MAPK4: variants seen among roughly 807,000 people sequenced by gnomAD.
The protein encoded by MAPK4 is Erk3-related.
In MAPK4, 22 loss-of-function variants were observed where a neutral mutation model predicts 47.7. The ratio of observed to expected loss-of-function variants is 0.46; its 90% CI spans 0.33 to 0.66. MAPK4 has a LOEUF of 0.66. MAPK4 is among the 30% of genes least tolerant of loss of function. The probability of loss-of-function intolerance (pLI) is 0.02; values close to 1 mark genes in which losing one functional copy is unlikely to be tolerated. For missense variants in MAPK4, 736 were observed against 831.7 expected (o/e 0.88, Z 1.42); for synonymous variants, 390 against 365.7 (o/e 1.07, Z -0.76).
intron 4 of MAPK4, among the ~76,000 whole-genome samples, chr18:50,724,136 C>T (rs963944179): frequency 2.0e-5 from 3 of 152,094 alleles, no homozygotes; most frequent in South Asian, 2.1e-4. Flanking sequence ...CTCAGCCTCC[C>T]GAGTAGCTGG....
intron 1 of MAPK4, among the ~76,000 whole-genome samples, chr18:50,569,397 A>G (rs1487011863): frequency 6.6e-6 from 1 of 152,198 alleles, no homozygotes; most frequent in Non-Finnish European, 1.5e-5. Context: ...AGATGACAAG[A>G]GTTCAAAAGA....
At chr18:50,693,243 A>G (rs1341170070) in intron 2 of MAPK4, among the ~76,000 whole-genome samples, 1 of 152,160 alleles carries the variant, frequency 6.6e-6, no homozygotes, top group Non-Finnish European at 1.5e-5. Flanking sequence ...TAGGCAACAG[A>G]GAGAGACTCT....
intron 2 of MAPK4, 101 bp from the exon 3 acceptor site, chr18:50,714,978 C>T (rs1056635306): frequency 1.8e-5 from 22 of 1,194,836 alleles, no homozygotes; most frequent in Non-Finnish European, 2.2e-5. Flanking sequence ...GAAAGGGACC[C>T]TGAAAGAGGT....
At chr18:50,652,186 C>T (rs893816852) in intron 1 of MAPK4, among the ~76,000 whole-genome samples, 29 of 152,352 alleles carry the variant, frequency 1.9e-4, no homozygotes, top group Admixed American at 1.8e-3. Flanking sequence ...GGCTCCCTGG[C>T]TTTCCTGGAC....
intron 1 of MAPK4, among the ~76,000 whole-genome samples, chr18:50,628,471 T>C (rs1402631974): frequency 6.6e-6 from 1 of 152,210 alleles, no homozygotes; most frequent in Non-Finnish European, 1.5e-5. Flanking sequence ...TGGGGGCCCG[T>C]TAAGCACACG....
chr18:50,707,816 A>G (rs1052492464), intron 2 of MAPK4, among the ~76,000 whole-genome samples: 6 of 152,164 alleles, frequency 3.9e-5, no homozygotes, highest in Admixed American at 2.0e-4. Flanking sequence ...GGGAATTTAT[A>G]TGAGCTTTTG....
At chr18:50,715,775 C>T (rs1253268778) in intron 3 of MAPK4, among the ~76,000 whole-genome samples, 2 of 152,200 alleles carry the variant, frequency 1.3e-5, no homozygotes, top group Admixed American at 1.3e-4. Flanking sequence ...TTATATGCCA[C>T]CTAGGCTATG....
At chr18:50,625,062 A>G (rs1345267027) in intron 1 of MAPK4, among the ~76,000 whole-genome samples, 1 of 152,222 alleles carries the variant, frequency 6.6e-6, no homozygotes, top group African/African-American at 2.4e-5. Flanking sequence ...CTATCTGGAA[A>G]TGAAAGACAT....
intron 1 of MAPK4, among the ~76,000 whole-genome samples, chr18:50,639,285 A>G (rs2042918111): frequency 6.6e-6 from 1 of 152,198 alleles, no homozygotes; most frequent in African/African-American, 2.4e-5. Context: ...GCCTGAGCCA[A>G]ATTAGTTAAG....
At chr18:50,632,859 A>T (rs553970229) in intron 1 of MAPK4, among the ~76,000 whole-genome samples, 1 of 152,150 alleles carries the variant, frequency 6.6e-6, no homozygotes. Flanking sequence ...ACCTCAGGTG[A>T]TCCACCTGCC....
intron 1 of MAPK4, among the ~76,000 whole-genome samples, chr18:50,619,744 C>T (rs1397669700): frequency 6.6e-6 from 1 of 152,232 alleles, no homozygotes; most frequent in Non-Finnish European, 1.5e-5. Flanking sequence ...AGCACACTCA[C>T]ACTCCATGGA....
At chr18:50,584,341 C>T (rs2149364079) in intron 1 of MAPK4, among the ~76,000 whole-genome samples, 1 of 152,230 alleles carries the variant, frequency 6.6e-6, no homozygotes, top group African/African-American at 2.4e-5. Flanking sequence ...AATTTCCCAT[C>T]CACTTCGTGT....
In MAPK4 at chr18:50,571,410, A is replaced by C. The variant is rs535991748; in HGVS notation, c.-871+11167A>C. On this transcript the variant is annotated intron_variant, in intron 1 of 5. Coordinates refer to ENST00000400384, the MANE Select transcript of MAPK4 (RefSeq NM_002747.4). Reference sequence around the variant, plus strand: ...TGAATTAATTAATTTTGAAGAGGCAAATTTTCTGTTCTCCTAGAAGATGTG... The same window carrying C: ...TGAATTAATTAATTTTGAAGAGGCACATTTTCTGTTCTCCTAGAAGATGTG... Among the ~76,000 whole-genome samples, 290 of 152,330 alleles carry C rather than the reference A, an allele frequency of 1.9e-3. 1 individual carries two copies. Among genetic ancestry groups the C allele is most frequent in the Middle Eastern group, 6.8e-3 (2 of 294 alleles).
intron 1 of MAPK4, chr18:50,630,018 C>G (rs1319318247): frequency 6.6e-6 from 1 of 152,146 alleles, no homozygotes; most frequent in Admixed American, 6.5e-5. Flanking sequence ...TAGACAGACA[C>G]GTAAACAGCA....
At chr18:50,644,985 T>C (rs2144191494) in intron 1 of MAPK4, among the ~76,000 whole-genome samples, 1 of 152,194 alleles carries the variant, frequency 6.6e-6, no homozygotes, top group African/African-American at 2.4e-5. Flanking sequence ...CAGTGGAGAA[T>C]AATGGATGGG....
chr18:50,664,433 A>G lies in MAPK4; in HGVS notation c.475A>G (p.Thr159Ala). 6.2e-7 allele frequency: 1 copy of G among 1,613,896 alleles called. No individual in the cohort carries two copies. Among genetic ancestry groups the G allele is most frequent in the South Asian group, 1.1e-5 (1 of 91,064 alleles). Residue 159 changes from threonine to alanine, a missense_variant, in exon 2 of 6, where the codon ACA becomes GCA. Thr to Ala is a moderately conservative substitution (Grantham distance 58, BLOSUM62 0). Coordinates refer to ENST00000400384, the MANE Select transcript of MAPK4 (RefSeq NM_002747.4). The surrounding 1 kb of genome is among the most constrained non-coding windows in gnomAD (Gnocchi z 6.0). ...GAAGCCCGCCAACATCTTCATCAGC[A>G]CAGAGGACCTCGTGCTCAAGATTGG... ...DLKPANIFIS[T>A]EDLVLKIGDF... is the part of the protein sequence containing the mutation.
At chr18:50,573,777 A>G (rs986627499) in intron 1 of MAPK4, among the ~76,000 whole-genome samples, 1 of 152,190 alleles carries the variant, frequency 6.6e-6, no homozygotes, top group Non-Finnish European at 1.5e-5. Context: ...ATAGGAACAT[A>G]TGGTCAATAT....
chr18:50,598,283 C>T (rs943999153), intron 1 of MAPK4, among the ~76,000 whole-genome samples: 1 of 152,184 alleles, frequency 6.6e-6, no homozygotes, highest in African/African-American at 2.4e-5. Context: ...CTAACTCGAT[C>T]ACATCACTTA....
At chr18:50,715,672 G>T (rs1910598585) in intron 3 of MAPK4, among the ~76,000 whole-genome samples, 1 of 152,204 alleles carries the variant, frequency 6.6e-6, no homozygotes. Context: ...CATCATCTAT[G>T]AAGTATGGGC....
Sources: allele counts gnomAD v4.1 joint callset (sites outside exome capture counted in the v4.1 genomes callset), GRCh38; gene constraint gnomAD v4.1.1; non-coding constraint Gnocchi (gnomAD v3.1); transcripts MANE v1.5; gene names NCBI Gene and HGNC (gene_info 2026-07-23, HGNC 2026-07-21).